TSC22D2: variants seen among roughly 807,000 people sequenced by gnomAD.
TSC22D2 encodes the protein TSC22 domain family protein 2.
TSC22D2 carries 5 observed loss-of-function variants against 50.1 expected under a neutral mutation model. The ratio of observed to expected loss-of-function variants is 0.10; its 90% confidence interval spans 0.05 to 0.21. The LOEUF (loss-of-function observed/expected upper bound fraction) is 0.21. Ranked by LOEUF, TSC22D2 falls within the 10% of genes least tolerant of loss-of-function variation. The pLI, the probability that TSC22D2 is intolerant of heterozygous loss-of-function variation, is 1.00. For synonymous variants in TSC22D2, 501 were observed against 450.1 expected, an observed-to-expected ratio of 1.11 and a Z score of -1.43; for missense variants, 1,003 against 1,015.5, an observed-to-expected ratio of 0.99 and a Z score of 0.17.
At chr3:150,417,212 G>A (rs866603050) in intron 1 of TSC22D2, among the ~76,000 whole-genome samples, 1 of 152,056 alleles carries the variant, frequency 6.6e-6, no homozygotes, top group Non-Finnish European at 1.5e-5. Flanking sequence ...GTCAATTATT[G>A]TAAATAATGA....
chr3:150,422,819 CTT>C (rs1475963272), intron 1 of TSC22D2, among the ~76,000 whole-genome samples: 1 of 152,154 alleles, frequency 6.6e-6, no homozygotes, highest in African/African-American at 2.4e-5. Context: ...TGCCTTACCT[CTT>C]TATTTTATAA....
rs1414043733 is a variant in TSC22D2 at position 150,460,633 on chromosome 3, G to A, written c.*1997G>A. The A allele has an allele frequency of 6.6e-6, 1 of 152,174 alleles. No individual in the cohort carries two copies. Among genetic ancestry groups the A allele is most frequent in the Non-Finnish European group, 1.5e-5 (1 of 68,028 alleles). The allele number at this position is 152,174 out of a possible 1,614,324, so 9.4% of individuals were successfully genotyped here. On this transcript the variant is annotated 3_prime_UTR_variant, in exon 3 of 3. Transcript: ENST00000688009. ...GAGTAAGCAACCCTAAGGATGTGTA[G>A]TAAGATTCCAAGTAGAGCTGCTACA...
intron 1 of TSC22D2, among the ~76,000 whole-genome samples, chr3:150,441,055 T>A (rs575852256): frequency 8.9e-4 from 133 of 148,836 alleles, no homozygotes; most frequent in African/African-American, 2.8e-3. Context: ...TATTAAAAAA[T>A]ATATATATAA....
Position 150,464,265 on chromosome 3 carries a change from TATC to T in TSC22D2, c.*5632_*5634del, listed in dbSNP as rs1392099654. On this transcript the variant is annotated 3_prime_UTR_variant, in exon 3 of 3. Coordinates refer to ENST00000688009, the MANE Select transcript of TSC22D2 (RefSeq NM_001303264.2). ...ATGCAATGTATCTATAGATAGGTCA[TATC>T]ATACCTGAGGAAGATCAGAGACAGC... is the stretch of plus-strand genomic sequence containing the variant. 1 of 152,066 alleles carries T rather than the reference TATC, an allele frequency of 6.6e-6. No individual in the cohort carries two copies. Among genetic ancestry groups the T allele is most frequent in the Non-Finnish European group, 1.5e-5 (1 of 68,016 alleles). 9.4% of individuals were successfully genotyped at this position (152,066 alleles called of 1,614,324 possible). A position where few individuals can be genotyped will look rare whatever the true frequency, so the allele number is the denominator to read the frequency against.
chr3:150,409,995 C>T lies in TSC22D2; in HGVS notation c.645C>T (p.Asp215=), dbSNP rs1405551424. 3 of 1,613,718 alleles carry T rather than the reference C, an allele frequency of 1.9e-6. No homozygotes were observed. Among genetic ancestry groups the T allele is most frequent in the South Asian group, 2.2e-5 (2 of 91,084 alleles). The change falls in exon 1 of 3, where the codon GAC becomes GAT. Residue 215 remains aspartate, a synonymous_variant. Coordinates refer to ENST00000688009, the MANE Select transcript of TSC22D2 (RefSeq NM_001303264.2). The surrounding 1 kb of genome is among the most constrained non-coding windows in gnomAD (Gnocchi z 7.4). Reference sequence around the variant, plus strand: ...CTTTTGACCAGACTGCGGAGCGGGACAGCGGCCTGGGCGCCACCGGAGGGT... The same window carrying T: ...CTTTTGACCAGACTGCGGAGCGGGATAGCGGCCTGGGCGCCACCGGAGGGT... The part of the protein sequence containing the change: ...SSTFDQTAER[D]SGLGATGGSV...
rs547515422 is a variant in TSC22D2, at chr3:150,444,068, C to T, written c.1959-13008C>T. Among the ~76,000 whole-genome samples, 37 of 150,062 alleles carry T rather than the reference C, an allele frequency of 2.5e-4. No homozygotes were observed. In the South Asian group the frequency reaches 7.5e-3, roughly 31 times the overall value. The stretch of plus-strand genomic sequence containing the variant: ...CCCGTTTTTCTATTTACATCAGTTG[C>T]CTATATTACATAGAAACTGGCGCAC... On this transcript the variant is annotated intron_variant, in intron 1 of 2. Transcript: ENST00000688009.
intron 1 of TSC22D2, among the ~76,000 whole-genome samples, chr3:150,428,631 A>G (rs1720277825): frequency 6.6e-6 from 1 of 151,662 alleles, no homozygotes; most frequent in African/African-American, 2.4e-5. Flanking sequence ...ATGTGTGTTA[A>G]TGGCATTTTG....
Position 150,459,486 on chromosome 3 carries a change from G to A in TSC22D2, c.*850G>A, listed in dbSNP as rs1157544085. On this transcript the variant is annotated 3_prime_UTR_variant, in exon 3 of 3. Transcript: ENST00000688009. Reference sequence around the variant, plus strand: ...ACATTTCGTATGACTTTTTTTTCGGGTGGGAATAAAAAGCTGTGAAATTGT... The same window carrying A: ...ACATTTCGTATGACTTTTTTTTCGGATGGGAATAAAAAGCTGTGAAATTGT... 6.6e-6 allele frequency: 1 copy of A among 151,674 alleles called. No homozygotes were observed. The highest frequency in any genetic ancestry group is 1.9e-4 in the East Asian group (1 of 5,176). 9.4% of individuals were successfully genotyped at this position (151,674 alleles called of 1,614,324 possible). A position where few individuals can be genotyped will look rare whatever the true frequency, so the allele number is the denominator to read the frequency against.
Position 150,410,639 on chromosome 3 carries a change from C to G in TSC22D2, c.1289C>G (p.Ser430Cys), listed in dbSNP as rs981211791. 1.3e-6 allele frequency: 2 copies of G among 1,553,584 alleles called. No homozygotes were observed. The highest frequency in any genetic ancestry group is 1.9e-4 in the Middle Eastern group (1 of 5,246). ...SSVGAQLMGA[S>C]SQPSEAMAPR... Reference sequence around the variant, plus strand: ...GTGGGCGCGCAGCTCATGGGCGCGTCTTCCCAGCCCAGCGAAGCCATGGCC... The same window carrying G: ...GTGGGCGCGCAGCTCATGGGCGCGTGTTCCCAGCCCAGCGAAGCCATGGCC... The change falls in exon 1 of 3, where the codon TCT becomes TGT. Residue 430 changes from serine to cysteine, a missense_variant. By Grantham distance (112) the Ser-to-Cys change is moderately radical. This residue lies in a region of TSC22D2 where 696 missense variants were observed against 647.8 expected (regional missense o/e 1.07). Coordinates refer to ENST00000688009, the MANE Select transcript of TSC22D2 (RefSeq NM_001303264.2).
At chr3:150,445,589 T>C (rs1720860523) in intron 1 of TSC22D2, among the ~76,000 whole-genome samples, 1 of 152,180 alleles carries the variant, frequency 6.6e-6, no homozygotes, top group Admixed American at 6.5e-5. Context: ...TTTCCCAAGA[T>C]ACACTGGGAA....
intron 1 of TSC22D2, among the ~76,000 whole-genome samples, chr3:150,437,569 G>A (rs143781749): frequency 0.093 from 14,080 of 151,618 alleles, 861 homozygotes; most frequent in South Asian, 0.29. Flanking sequence ...TTGGGAGGCC[G>A]AGGTAGGCAG....
rs1721284947 is a variant in TSC22D2 at position 150,458,919 on chromosome 3, T to G, written c.*283T>G. 1 of 295,690 alleles carries G rather than the reference T, an allele frequency of 3.4e-6. No individual in the cohort carries two copies. The highest frequency in any genetic ancestry group is 4.8e-5 in the Admixed American group (1 of 20,674). 18.3% of individuals were successfully genotyped at this position (295,690 alleles called of 1,614,324 possible). On this transcript the variant is annotated 3_prime_UTR_variant, in exon 3 of 3. Transcript: ENST00000688009. ...TTACCTGGTGCGCATGAGTGGGGTC[T>G]TTAAGAGTTTTGGTGGCTCTCCCAT...
intron 1 of TSC22D2, among the ~76,000 whole-genome samples, chr3:150,440,155 T>C (rs1345861535): frequency 1.3e-5 from 2 of 152,226 alleles, no homozygotes; most frequent in African/African-American, 4.8e-5. Flanking sequence ...GTGGTGGAGC[T>C]AGAATTCAAA....
chr3:150,446,327 TG>T (rs1414428316), intron 1 of TSC22D2, among the ~76,000 whole-genome samples: 1 of 151,982 alleles, frequency 6.6e-6, no homozygotes, highest in African/African-American at 2.4e-5. Context: ...GTATTTAGAG[TG>T]TTGCCTTTAT....
intron 1 of TSC22D2, among the ~76,000 whole-genome samples, chr3:150,426,606 G>A (rs575418990): frequency 2.0e-5 from 3 of 152,128 alleles, no homozygotes; most frequent in Non-Finnish European, 1.5e-5. Flanking sequence ...TAACCTCATC[G>A]ATAAGCACTT....
Position 150,458,735 on chromosome 3 carries a change from T to C in TSC22D2, c.*99T>C. 1 of 1,495,202 alleles carries C rather than the reference T, an allele frequency of 6.7e-7. No homozygotes were observed. The highest frequency in any genetic ancestry group is 9.0e-7 in the Non-Finnish European group (1 of 1,108,192). 92.6% of individuals were successfully genotyped at this position (1,495,202 alleles called of 1,614,324 possible). The stretch of plus-strand genomic sequence containing the variant: ...TTATACGAAAGCAAGTAGCCATGCT[T>C]TGGTTGTGTGTTTGGCCTTTTCAGT... On this transcript the variant is annotated 3_prime_UTR_variant, in exon 3 of 3. Transcript: ENST00000688009.
intron 1 of TSC22D2, among the ~76,000 whole-genome samples, chr3:150,416,374 TA>T (rs11356287): frequency 0.71 from 108,020 of 151,922 alleles, 38,716 homozygotes; most frequent in South Asian, 0.8. Context: ...AGTAATTCCT[TA>T]AATTGGAAAA....
chr3:150,456,300 G>A (rs1721189444), intron 1 of TSC22D2, among the ~76,000 whole-genome samples: 1 of 149,700 alleles, frequency 6.7e-6, no homozygotes, highest in Non-Finnish European at 1.5e-5. Context: ...TGATTCTCTT[G>A]CCTCAGCCTC....
In TSC22D2 at chr3:150,445,302, A is replaced by C. The variant is rs557071207; in HGVS notation, c.1959-11774A>C. Among the ~76,000 whole-genome samples the C allele has an allele frequency of 8.4e-5, 12 of 143,098 alleles. No homozygotes were observed. The East Asian group carries it at 2.5e-3, about 29-fold the overall frequency. 93.9% of individuals were successfully genotyped at this position (143,098 alleles called of 152,430 possible). A position where few individuals can be genotyped will look rare whatever the true frequency, so the allele number is the denominator to read the frequency against. On this transcript the variant is annotated intron_variant, in intron 1 of 2. Transcript: ENST00000688009. Reference sequence around the variant, plus strand: ...CACTCCAGCCTGGGTGACAAGAGCAAGACTCTGTCTCAAAAATAATAATAA... The same window carrying C: ...CACTCCAGCCTGGGTGACAAGAGCACGACTCTGTCTCAAAAATAATAATAA...
Sources: allele counts gnomAD v4.1 joint callset (sites outside exome capture counted in the v4.1 genomes callset), GRCh38; gene constraint gnomAD v4.1.1; regional missense constraint gnomAD v4.1.1; non-coding constraint Gnocchi (gnomAD v3.1); transcripts MANE v1.5; gene names NCBI Gene and HGNC (gene_info 2026-07-23, HGNC 2026-07-21).